The following CNOT2 variants were observed in gnomAD, a reference collection of about 807,000 sequenced individuals.
CNOT2 encodes CC chemokine receptor 4-negative regulator of transcription 2.
A neutral mutation model predicts 72.1 loss-of-function variants in CNOT2; 7 were observed. The ratio of observed to expected loss-of-function variants is 0.10; its 90% confidence interval spans 0.06 to 0.18. The LOEUF (loss-of-function observed/expected upper bound fraction) is 0.18. Among genes scored for constraint, CNOT2 ranks in the 10% least tolerant of loss-of-function variants. CNOT2 has a pLI of 1.00. For missense variants in CNOT2, 345 were observed against 660.3 expected (o/e 0.52, Z 5.23); for synonymous variants, 196 against 225.6 (o/e 0.87, Z 1.17).
In CNOT2 at chr12:70,266,240, C is replaced by T. The variant is rs1471671535; in HGVS notation, c.-95-11892C>T. On this transcript the variant is annotated intron_variant, in intron 1 of 15. Transcript: ENST00000229195. Reference sequence around the variant, plus strand: ...AGTAGTTCAAGCGGTTCTCCTGCCTCAGCCTCCCCAGTAGCTAGAATTATA... The same window carrying T: ...AGTAGTTCAAGCGGTTCTCCTGCCTTAGCCTCCCCAGTAGCTAGAATTATA... 2.6e-5 allele frequency among the ~76,000 whole-genome samples: 4 copies of T among 152,080 alleles called. No homozygotes were observed. The East Asian group carries it at 5.8e-4, about 22-fold the overall frequency.
At chr12:70,289,631 C>CT (rs768087964) in intron 2 of CNOT2, among the ~76,000 whole-genome samples, 27 of 151,868 alleles carry the variant, frequency 1.8e-4, no homozygotes, top group Non-Finnish European at 3.1e-4. Context: ...TTTTTTCTTT[C>CT]TTTTTTTCTC....
At chr12:70,322,919 A>G (rs1327525791) in intron 4 of CNOT2, 2 of 151,770 alleles carry the variant, frequency 1.3e-5, no homozygotes, top group Admixed American at 1.3e-4. Flanking sequence ...GCTCTTTTGA[A>G]CACATGTTTT....
At chr12:70,280,410 C>T (rs897070763) in intron 2 of CNOT2, among the ~76,000 whole-genome samples, 5 of 152,124 alleles carry the variant, frequency 3.3e-5, no homozygotes, top group African/African-American at 1.2e-4. Flanking sequence ...GAAGAGAGAA[C>T]TTAAATCTTC....
chr12:70,353,931 A>AAAAAAAG lies in CNOT2; in HGVS notation c.*22_*23insGAAAAAA. 1 of 1,580,440 alleles carries AAAAAAAG rather than the reference A, an allele frequency of 6.3e-7. No homozygotes were observed. Among genetic ancestry groups the AAAAAAAG allele is most frequent in the East Asian group, 2.2e-5 (1 of 44,572 alleles). On this transcript the variant is annotated 3_prime_UTR_variant, in exon 16 of 16. Transcript: ENST00000229195. ...AGCCTTCTAAAAAAAAAAAAAAAAA[A>AAAAAAAG]AAAAAAAGACTTCCCTTTTCTTGGG...
chr12:70,247,167 C>CT (rs974815836), intron 1 of CNOT2, among the ~76,000 whole-genome samples: 84 of 145,728 alleles, frequency 5.8e-4, no homozygotes, highest in Middle Eastern at 3.5e-3. Flanking sequence ...TTTCCTTATT[C>CT]TTTTTTTTTT....
chr12:70,245,418 G>C (rs987034633), intron 1 of CNOT2, among the ~76,000 whole-genome samples: 1 of 152,130 alleles, frequency 6.6e-6, no homozygotes, highest in African/African-American at 2.4e-5. Flanking sequence ...GTGAGAAACT[G>C]CTGAAGTTTT....
chr12:70,280,900 A>G (rs1290411106), intron 2 of CNOT2, among the ~76,000 whole-genome samples: 1 of 152,144 alleles, frequency 6.6e-6, no homozygotes, highest in African/African-American at 2.4e-5. Context: ...AGATAAAACA[A>G]TTTATTATAT....
At chr12:70,338,622 A>G in intron 10 of CNOT2, 44 bp from the exon 11 acceptor site, 1 of 1,595,688 alleles carries the variant, frequency 6.3e-7, no homozygotes, top group Non-Finnish European at 8.5e-7. Context: ...TCTATTTTTT[A>G]ACTTTTTCTT....
At chr12:70,337,304 TATC>T in intron 8 of CNOT2, 82 bp from the exon 9 acceptor site, 1 of 1,158,270 alleles carries the variant, frequency 8.6e-7, no homozygotes, top group Non-Finnish European at 1.3e-6. Context: ...TTTGGTGTAT[TATC>T]ATGAGGAAAG....
At chr12:70,298,626 G>A (rs74235799) in intron 2 of CNOT2, among the ~76,000 whole-genome samples, 21,911 of 152,130 alleles carry the variant, frequency 0.14, 1,911 homozygotes, top group Admixed American at 0.28. Flanking sequence ...ATGATAAAGT[G>A]TTTTCAGAGA....
chr12:70,316,433 C>G (rs533103950), intron 3 of CNOT2, among the ~76,000 whole-genome samples: 1 of 151,872 alleles, frequency 6.6e-6, no homozygotes, highest in Admixed American at 6.6e-5. Context: ...TTTTTAGCAC[C>G]GATTTGTTTG....
intron 4 of CNOT2, chr12:70,324,396 A>C (rs763039856): frequency 7.9e-5 from 12 of 151,828 alleles, no homozygotes; most frequent in Admixed American, 1.3e-4. Flanking sequence ...GGCAAAAAAA[A>C]ATGGGATGAC....
chr12:70,261,608 G>T (rs1368358409), intron 1 of CNOT2, among the ~76,000 whole-genome samples: 5 of 151,678 alleles, frequency 3.3e-5, no homozygotes, highest in African/African-American at 1.2e-4. Flanking sequence ...GAGCTACCAC[G>T]CCTGGCCAGT....
intron 8 of CNOT2, 55 bp from the exon 9 acceptor site, chr12:70,337,334 T>G: frequency 6.7e-7 from 1 of 1,487,324 alleles, no homozygotes; most frequent in Non-Finnish European, 9.3e-7. Flanking sequence ...TTATAATCTG[T>G]AGCAAAATAT....
intron 4 of CNOT2, 89 bp downstream of exon 4, chr12:70,319,453 G>T: frequency 7.9e-7 from 1 of 1,268,286 alleles, no homozygotes; most frequent in Non-Finnish European, 1.1e-6. Context: ...CTTCCTTTGT[G>T]GGTTTATTGT....
intron 2 of CNOT2, among the ~76,000 whole-genome samples, chr12:70,298,595 A>G (rs1565782680): frequency 6.6e-6 from 1 of 152,222 alleles, no homozygotes. Context: ...TGGCACAATA[A>G]TTTATTATTA....
chr12:70,353,273 A>G (rs1426800783), intron 15 of CNOT2, among the ~76,000 whole-genome samples: 2 of 151,894 alleles, frequency 1.3e-5, no homozygotes, highest in African/African-American at 4.8e-5. Flanking sequence ...GGGTTTCACC[A>G]TGTTGATTGG....
chr12:70,286,315 AT>A (rs1228145911), intron 2 of CNOT2, among the ~76,000 whole-genome samples: 2 of 148,784 alleles, frequency 1.3e-5, no homozygotes, highest in South Asian at 2.2e-4. Context: ...CAGAATTAAA[AT>A]TTTTTTCCAT....
At chr12:70,338,111 A>G in intron 9 of CNOT2, 2 of 214,738 alleles carry the variant, frequency 9.3e-6, no homozygotes, top group Non-Finnish European at 1.8e-5. Context: ...TTTACATGAA[A>G]GCATTGAGGA....
Sources: gnomAD v4.1 joint callset for allele counts (sites outside exome capture counted in the v4.1 genomes callset) on GRCh38, gnomAD v4.1.1 for gene constraint, MANE v1.5 for transcripts, NCBI Gene and HGNC (gene_info 2026-07-23, HGNC 2026-07-21) for gene names.